The following CEP164 variants were observed in gnomAD, a reference collection of about 807,000 sequenced individuals.
The protein encoded by CEP164 is centrosomal protein of 164 kDa.
A neutral mutation model predicts 182.7 loss-of-function variants in CEP164; 162 were observed. The ratio of observed to expected loss-of-function variants is 0.89; its 90% CI spans 0.78 to 1.01. The LOEUF (loss-of-function observed/expected upper bound fraction) is 1.01, where lower values mean the gene tolerates loss of function less well. Among genes scored for constraint, CEP164 ranks in the 50% least tolerant of loss-of-function variants. The pLI is 0.00. For missense variants in CEP164, 1,735 were observed against 1,790.4 expected, an observed-to-expected ratio of 0.97 and a Z score of 0.56; for synonymous variants, 661 against 690.0, an observed-to-expected ratio of 0.96 and a Z score of 0.66.
chr11:117,343,538 G>A (rs1015923878), intron 3 of CEP164, among the ~76,000 whole-genome samples: 2 of 152,100 alleles, frequency 1.3e-5, no homozygotes, highest in Non-Finnish European at 2.9e-5. Context: ...GTAAGGCTGT[G>A]CTCATCCTGG....
intron 27 of CEP164, among the ~76,000 whole-genome samples, chr11:117,404,595 G>C (rs576315255): frequency 6.6e-6 from 1 of 152,354 alleles, no homozygotes; most frequent in Admixed American, 6.5e-5. Flanking sequence ...GTCGACCCCT[G>C]CTAGGCGGTG....
At chr11:117,357,722 T>C (rs145172609) in intron 5 of CEP164, among the ~76,000 whole-genome samples, 1 of 151,704 alleles carries the variant, frequency 6.6e-6, no homozygotes, top group East Asian at 1.9e-4. Flanking sequence ...GTGCCTGGGC[T>C]GAGAGCTAAT....
At chr11:117,362,952 A>G (rs949120577) in intron 7 of CEP164, among the ~76,000 whole-genome samples, 3 of 152,198 alleles carry the variant, frequency 2.0e-5, no homozygotes, top group Non-Finnish European at 4.4e-5. Context: ...ACTTAGCATA[A>G]TGTTTCAAGC....
intron 5 of CEP164, chr11:117,356,040 A>T (rs1167128086): frequency 1.8e-6 from 2 of 1,124,780 alleles, no homozygotes; most frequent in East Asian, 1.6e-4. Flanking sequence ...CTGGCCTCAC[A>T]CCTGGGCTCT....
chr11:117,359,040 G>A (rs1204294622), intron 5 of CEP164, among the ~76,000 whole-genome samples: 2 of 151,898 alleles, frequency 1.3e-5, no homozygotes, highest in Non-Finnish European at 2.9e-5. Context: ...TATCTCCCAG[G>A]TTCAAGTGAT....
intron 1 of CEP164, among the ~76,000 whole-genome samples, chr11:117,332,313 G>T (rs535966193): frequency 1.3e-5 from 2 of 152,208 alleles, no homozygotes; most frequent in South Asian, 2.1e-4. Flanking sequence ...GGTGGCTCAC[G>T]CCTGTAATCC....
chr11:117,394,256 T>A lies in CEP164; in HGVS notation c.2617-94T>A. The A allele has an allele frequency of 6.7e-7, 1 of 1,496,832 alleles. No homozygotes were observed. The highest frequency in any genetic ancestry group is 2.5e-5 in the East Asian group (1 of 40,638). The allele number at this position is 1,496,832 out of a possible 1,614,324, so 92.7% of individuals were successfully genotyped here. ...AGGGAGCCGATGGTGTCCCTGATCT[T>A]ACTGATGCAAGGCTGCAGGGCTAGG... On this transcript the variant is annotated intron_variant, in intron 20 of 32. Coordinates refer to ENST00000278935, the MANE Select transcript of CEP164 (RefSeq NM_014956.5). This position sits in a 1 kb window ranked among gnomAD's most constrained non-coding sequence, Gnocchi z 4.0.
chr11:117,359,381 G>A, intron 5 of CEP164: 4 of 983,152 alleles, frequency 4.1e-6, no homozygotes, highest in Non-Finnish European at 3.6e-6. Context: ...CTGCTGGCTG[G>A]TGTTACGATT....
At chr11:117,341,263 T>C (rs1218791644) in intron 3 of CEP164, among the ~76,000 whole-genome samples, 1 of 152,174 alleles carries the variant, frequency 6.6e-6, no homozygotes, top group Non-Finnish European at 1.5e-5. Context: ...GCCACCATTT[T>C]CTCTTCCTGG....
At chr11:117,390,657 A>C in intron 15 of CEP164, 120 bp from the exon 16 acceptor site, 2 of 1,061,678 alleles carry the variant, frequency 1.9e-6, no homozygotes, top group Non-Finnish European at 2.7e-6. Flanking sequence ...AAAAAAAAAA[A>C]GATTTAGGAA....
chr11:117,336,132 A>C, intron 2 of CEP164: 4 of 1,555,664 alleles, frequency 2.6e-6, no homozygotes, highest in Non-Finnish European at 3.5e-6. Flanking sequence ...CCCCAGTACA[A>C]CATGGCTTCT....
At chr11:117,349,230 C>G (rs569815084) in intron 4 of CEP164, among the ~76,000 whole-genome samples, 3 of 152,084 alleles carry the variant, frequency 2.0e-5, no homozygotes, top group East Asian at 3.9e-4. Context: ...ACCATGTTGG[C>G]CAGGCTGGTC....
Position 117,411,024 on chromosome 11 carries a change from A to G in CEP164, c.4163+130A>G. The G allele has an allele frequency of 1.2e-6, 1 of 805,236 alleles. No homozygotes were observed. The highest frequency in any genetic ancestry group is 2.0e-6 in the Non-Finnish European group (1 of 493,348). The allele number at this position is 805,236 out of a possible 1,614,324, so 49.9% of individuals were successfully genotyped here. Reference sequence around the variant, plus strand: ...ACCCCAAGAAATCAGGCAGGCCTCTAGTCCACAGAGCTGTCCCCGCTTGCC... The same window carrying G: ...ACCCCAAGAAATCAGGCAGGCCTCTGGTCCACAGAGCTGTCCCCGCTTGCC... On this transcript the variant is annotated intron_variant, in intron 31 of 32. Coordinates refer to ENST00000278935, the MANE Select transcript of CEP164 (RefSeq NM_014956.5). The surrounding 1 kb of genome is among the most constrained non-coding windows in gnomAD (Gnocchi z 4.4).
intron 14 of CEP164, among the ~76,000 whole-genome samples, chr11:117,384,103 C>A (rs1286858187): frequency 1.3e-5 from 2 of 152,192 alleles, no homozygotes; most frequent in African/African-American, 4.8e-5. Context: ...AGCCACTGTT[C>A]CTTTTCTCTG....
chr11:117,377,373 G>A (rs987732468), intron 11 of CEP164, among the ~76,000 whole-genome samples: 11 of 152,334 alleles, frequency 7.2e-5, no homozygotes, highest in African/African-American at 2.4e-4. Context: ...CCTGCTCTGT[G>A]GCCTGGGGGT....
chr11:117,371,846 A>C (rs1316597722), intron 9 of CEP164, among the ~76,000 whole-genome samples: 1 of 141,024 alleles, frequency 7.1e-6, no homozygotes, highest in Non-Finnish European at 1.5e-5. Flanking sequence ...TCTGTAGCCC[A>C]GGTTGGAGTG....
At chr11:117,331,357 C>T (rs1267009704) in intron 1 of CEP164, among the ~76,000 whole-genome samples, 1 of 152,176 alleles carries the variant, frequency 6.6e-6, no homozygotes, top group African/African-American at 2.4e-5. Flanking sequence ...TACTATTAGA[C>T]CTTCTAATAG....
intron 13 of CEP164, 143 bp downstream of exon 13, chr11:117,382,011 C>A: frequency 1.8e-6 from 1 of 562,280 alleles, no homozygotes; most frequent in Non-Finnish European, 2.9e-6. Context: ...TTTGTAGCCT[C>A]AGCAGCAGCA....
chr11:117,397,885 C>T (rs2045681183), intron 27 of CEP164, among the ~76,000 whole-genome samples: 1 of 152,158 alleles, frequency 6.6e-6, no homozygotes, highest in South Asian at 2.1e-4. Context: ...CCACCCCTTG[C>T]CCCTCCATAT....
Sources: gnomAD v4.1 joint callset for allele counts (sites outside exome capture counted in the v4.1 genomes callset) on GRCh38, gnomAD v4.1.1 for gene constraint, Gnocchi (gnomAD v3.1) non-coding constraint, MANE v1.5 for transcripts, NCBI Gene and HGNC (gene_info 2026-07-23, HGNC 2026-07-21) for gene names.